PDE4D: variants seen among roughly 807,000 people sequenced by gnomAD.
The protein encoded by PDE4D is phosphodiesterase 4D, also known as 3',5'-cyclic-AMP phosphodiesterase 4D.
PDE4D carries 24 observed loss-of-function variants against 87.4 expected under a neutral mutation model. That is an observed-to-expected ratio of 0.27 (90% CI 0.20 to 0.39). PDE4D has a LOEUF of 0.39. PDE4D is among the 10% of genes least tolerant of loss of function. PDE4D has a pLI of 1.00. For synonymous variants in PDE4D, 384 were observed against 383.2 expected, an observed-to-expected ratio of 1.00 and a Z score of -0.02; for missense variants, 714 against 1,041.0, an observed-to-expected ratio of 0.69 and a Z score of 4.32.
intron 1 of PDE4D, among the ~76,000 whole-genome samples, chr5:59,252,468 G>A (rs546375429): frequency 6.6e-6 from 1 of 152,146 alleles, no homozygotes; most frequent in South Asian, 2.1e-4. Context: ...TGGATGCCTT[G>A]TAAATCTTAT....
intron 1 of PDE4D, among the ~76,000 whole-genome samples, chr5:59,823,793 ATT>A (rs151109305): frequency 7.0e-6 from 1 of 142,042 alleles, no homozygotes; most frequent in Admixed American, 7.2e-5. Context: ...TAACCCTTCC[ATT>A]TTTTTTTTAA....
intron 3 of PDE4D, among the ~76,000 whole-genome samples, chr5:59,977,086 TG>T (rs1279380018): frequency 6.6e-6 from 1 of 152,154 alleles, no homozygotes; most frequent in East Asian, 1.9e-4. Flanking sequence ...AGTGTTCAAG[TG>T]AAAGGAAGAG....
intron 1 of PDE4D, among the ~76,000 whole-genome samples, chr5:59,667,321 A>G (rs1051654184): frequency 6.6e-6 from 1 of 151,716 alleles, no homozygotes; most frequent in African/African-American, 2.4e-5. Flanking sequence ...GCATTGCATT[A>G]CATTTTTTGA....
At chr5:59,257,915 C>T (rs1210151093) in intron 1 of PDE4D, among the ~76,000 whole-genome samples, 3 of 151,980 alleles carry the variant, frequency 2.0e-5, no homozygotes, top group East Asian at 3.9e-4. Context: ...AGGCTAGCAA[C>T]AGAAATCAGG....
intron 1 of PDE4D, among the ~76,000 whole-genome samples, chr5:59,747,961 C>T (rs903055709): frequency 1.3e-5 from 2 of 152,194 alleles, no homozygotes; most frequent in African/African-American, 2.4e-5. Context: ...ACAACACACC[C>T]TTTGCCCATA....
rs546195782 is a variant in PDE4D at position 59,499,855 on chromosome 5, C to T, written c.456-283887G>A. Among the ~76,000 whole-genome samples the T allele has an allele frequency of 2.0e-5, 3 of 149,180 alleles. No individual in the cohort carries two copies. The South Asian group carries it at 6.3e-4, about 31-fold the overall frequency. On this transcript the variant is annotated intron_variant, in intron 1 of 14. Transcript: ENST00000340635. ...ATTCTACCAGACATACAAATAAGAG[C>T]TGATACAGATACTACTGAAAGTATT...
chr5:60,265,553 G>T (rs1750111341), intron 1 of PDE4D, among the ~76,000 whole-genome samples: 1 of 152,138 alleles, frequency 6.6e-6, no homozygotes, highest in Non-Finnish European at 1.5e-5. Flanking sequence ...TTAATTCCAA[G>T]CCTTAACCTG....
In PDE4D at chr5:60,514,899, T is replaced by G. The variant is rs201315739; in HGVS notation, n.70+7152A>C. ...TAGGATTGAAAAAGAATAAGCAAAA[T>G]AAAAATATTCTTAGACAATGTGATT... On this transcript the variant is annotated intron_variant and non_coding_transcript_variant, in intron 1 of 2. Transcript: ENST00000506510. 3.3e-5 allele frequency among the ~76,000 whole-genome samples: 5 copies of G among 152,002 alleles called. No individual in the cohort carries two copies. In the East Asian group the frequency reaches 9.6e-4, roughly 29 times the overall value.
At chr5:60,311,887 C>T (rs1312810863) in intron 1 of PDE4D, among the ~76,000 whole-genome samples, 1 of 151,816 alleles carries the variant, frequency 6.6e-6, no homozygotes, top group African/African-American at 2.4e-5. Flanking sequence ...CCAAGCAAGG[C>T]ATGGGTTTGT....
chr5:59,273,668 T>G (rs1764274524), intron 1 of PDE4D, among the ~76,000 whole-genome samples: 1 of 152,142 alleles, frequency 6.6e-6, no homozygotes, highest in Non-Finnish European at 1.5e-5. Context: ...TACACAGAAA[T>G]CATTCTATCC....
At chr5:59,423,906 C>T (rs189099723) in intron 1 of PDE4D, among the ~76,000 whole-genome samples, 2 of 150,716 alleles carry the variant, frequency 1.3e-5, no homozygotes, top group East Asian at 3.9e-4. Flanking sequence ...CTGTGGATGA[C>T]AGTCAGGAAG....
At chr5:60,460,333 A>G (rs1232255888) in intron 1 of PDE4D, 2 of 1,003,728 alleles carry the variant, frequency 2.0e-6, no homozygotes, top group African/African-American at 1.6e-5. Flanking sequence ...ATAAAAATCT[A>G]TTCTGTAACC....
chr5:59,790,921 G>T (rs531914529), intron 1 of PDE4D, among the ~76,000 whole-genome samples: 1 of 152,176 alleles, frequency 6.6e-6, no homozygotes, highest in African/African-American at 2.4e-5. Flanking sequence ...CTCAGCGTGG[G>T]TTCTTCTGAG....
At chr5:59,393,439 T>C (rs1316506747) in intron 1 of PDE4D, among the ~76,000 whole-genome samples, 1 of 152,176 alleles carries the variant, frequency 6.6e-6, no homozygotes, top group Non-Finnish European at 1.5e-5. Flanking sequence ...GCAAAATTCC[T>C]CTTCTCCCCC....
intron 1 of PDE4D, among the ~76,000 whole-genome samples, chr5:59,580,452 C>T (rs1489546467): frequency 6.6e-6 from 1 of 152,076 alleles, no homozygotes; most frequent in East Asian, 1.9e-4. Flanking sequence ...ATGTCATTGT[C>T]AACATTCTAA....
intron 3 of PDE4D, among the ~76,000 whole-genome samples, chr5:59,922,038 C>CG (rs1282919823): frequency 6.6e-6 from 1 of 151,998 alleles, no homozygotes; most frequent in East Asian, 1.9e-4. Flanking sequence ...TCTTTGTGCT[C>CG]GGGGGAGGGA....
At chr5:60,289,221 C>T (rs1321651193) in intron 1 of PDE4D, among the ~76,000 whole-genome samples, 1 of 152,104 alleles carries the variant, frequency 6.6e-6, no homozygotes, top group East Asian at 1.9e-4. Context: ...TTGTTAGTTG[C>T]TGGAAACACT....
At chr5:59,754,467 T>C (rs1760926252) in intron 1 of PDE4D, among the ~76,000 whole-genome samples, 1 of 152,152 alleles carries the variant, frequency 6.6e-6, no homozygotes, top group Non-Finnish European at 1.5e-5. Flanking sequence ...TATGAAGTTA[T>C]ACAGGATCCT....
In PDE4D at chr5:59,370,419, T is replaced by C. The variant is rs528435463; in HGVS notation, c.456-154451A>G. On this transcript the variant is annotated intron_variant, in intron 1 of 14. Coordinates refer to ENST00000340635, the MANE Select transcript of PDE4D (RefSeq NM_001104631.2). Reference sequence around the variant, plus strand: ...TGTTCCTTAAACACAATGTGCCTCCTCCTAAGGAGCTTTGCACTTGCTATT... The same window carrying C: ...TGTTCCTTAAACACAATGTGCCTCCCCCTAAGGAGCTTTGCACTTGCTATT... Among the ~76,000 whole-genome samples, 189 of 152,296 alleles carry C rather than the reference T, an allele frequency of 1.2e-3. 2 individuals carry two copies. The highest frequency in any genetic ancestry group is 4.2e-3 in the African/African-American group (175 of 41,576).
Sources: gnomAD v4.1 joint callset for allele counts (sites outside exome capture counted in the v4.1 genomes callset) on GRCh38, gnomAD v4.1.1 for gene constraint, MANE v1.5 for transcripts, NCBI Gene and HGNC (gene_info 2026-07-23, HGNC 2026-07-21) for gene names.